The following ITIH5 variants were observed in gnomAD, a reference collection of about 807,000 sequenced individuals.
The protein encoded by ITIH5 is inter-alpha-trypsin inhibitor heavy chain H5.
A neutral mutation model predicts 77.5 loss-of-function variants in ITIH5; 65 were observed. The observed-to-expected ratio is 0.84, with a 90% CI of 0.69 to 1.03. The LOEUF (loss-of-function observed/expected upper bound fraction) is 1.03, where lower values mean the gene tolerates loss of function less well. ITIH5 is among the 50% of genes least tolerant of loss of function. ITIH5 has a pLI of 0.00. For missense variants in ITIH5, 1,208 were observed against 1,213.1 expected (o/e 1.00, Z 0.06); for synonymous variants, 525 against 494.3 (o/e 1.06, Z -0.82).
At chr10:7,631,782 T>C (rs1484636379) in intron 5 of ITIH5, among the ~76,000 whole-genome samples, 1 of 151,808 alleles carries the variant, frequency 6.6e-6, no homozygotes, top group Non-Finnish European at 1.5e-5. Flanking sequence ...AGAAACAACT[T>C]TGTTTAATTT....
chr10:7,581,912 T>G (rs1195499751), intron 8 of ITIH5, among the ~76,000 whole-genome samples: 3 of 147,894 alleles, frequency 2.0e-5, no homozygotes, highest in South Asian at 2.2e-4. Flanking sequence ...GTCATGCTCT[T>G]TCGCCCAAGG....
At chr10:7,564,608 C>T (rs544381044) in intron 13 of ITIH5, among the ~76,000 whole-genome samples, 5 of 152,024 alleles carry the variant, frequency 3.3e-5, no homozygotes, top group East Asian at 1.9e-4. Context: ...GGGTAGTATG[C>T]GACACTATCT....
chr10:7,583,909 C>T (rs1227905654), intron 8 of ITIH5, among the ~76,000 whole-genome samples: 1 of 152,180 alleles, frequency 6.6e-6, no homozygotes, highest in Admixed American at 6.5e-5. Flanking sequence ...AAAGGACTCA[C>T]AAGCACCAGC....
intron 1 of ITIH5, among the ~76,000 whole-genome samples, chr10:7,655,936 T>C (rs1379543246): frequency 7.9e-5 from 12 of 152,242 alleles, no homozygotes; most frequent in African/African-American, 2.7e-4. Flanking sequence ...TGAGCATTCT[T>C]CTATCTGTAA....
In ITIH5 at chr10:7,559,397, T is replaced by C. The variant is rs1323562076; in HGVS notation, c.*3686A>G. The C allele has an allele frequency of 6.6e-6, 1 of 152,388 alleles. No homozygotes were observed. Among genetic ancestry groups the C allele is most frequent in the Non-Finnish European group, 1.5e-5 (1 of 68,170 alleles). 9.4% of individuals were successfully genotyped at this position (152,388 alleles called of 1,614,324 possible). A position where few individuals can be genotyped will look rare whatever the true frequency, so the allele number is the denominator to read the frequency against. ...TTATAAATTTTTTGTCTAAGTAAAA[T>C]GTCTCTTGAATGTGAACTGTCTCGT... On this transcript the variant is annotated 3_prime_UTR_variant, in exon 14 of 14. Transcript: ENST00000397146.
chr10:7,610,889 G>A (rs961288882), intron 7 of ITIH5, among the ~76,000 whole-genome samples: 1 of 152,234 alleles, frequency 6.6e-6, no homozygotes, highest in Non-Finnish European at 1.5e-5. Context: ...GACTTTCAGT[G>A]GCTAGCAAGG....
chr10:7,566,844 GGAAGAAGAAGAA>G (rs576015885), intron 12 of ITIH5, among the ~76,000 whole-genome samples: 922 of 17,686 alleles, frequency 0.052, 47 homozygotes, highest in East Asian at 0.064. Context: ...AAGAGGAAGA[GGAAGAAGAAGAA>G]GAAGAAGAAG....
At chr10:7,636,390 A>G (rs1833798560) in intron 5 of ITIH5, among the ~76,000 whole-genome samples, 1 of 152,196 alleles carries the variant, frequency 6.6e-6, no homozygotes, top group African/African-American at 2.4e-5. Flanking sequence ...GAATGTTAAA[A>G]AACAGATTTT....
chr10:7,599,646 A>G (rs1298344702), intron 7 of ITIH5, among the ~76,000 whole-genome samples: 3 of 151,962 alleles, frequency 2.0e-5, no homozygotes, highest in African/African-American at 7.3e-5. Context: ...TCCATCCTAC[A>G]CCTCTCATTA....
At chr10:7,665,455 C>T (rs925165941) in intron 1 of ITIH5, among the ~76,000 whole-genome samples, 6 of 152,188 alleles carry the variant, frequency 3.9e-5, no homozygotes, top group African/African-American at 1.4e-4. Context: ...CCTCACAACC[C>T]TATCATTTCT....
At chr10:7,650,450 A>T (rs1834079382) in intron 2 of ITIH5, among the ~76,000 whole-genome samples, 1 of 152,174 alleles carries the variant, frequency 6.6e-6, no homozygotes, top group East Asian at 1.9e-4. Flanking sequence ...GAAAAACAAT[A>T]CAGGGCCGGG....
rs181929187 is a variant in ITIH5, at chr10:7,559,630, T to C, written c.*3453A>G. The C allele has an allele frequency of 2.2e-3, 645 of 287,954 alleles. 1 individual carries two copies. The highest frequency in any genetic ancestry group is 6.2e-3 in the Middle Eastern group (5 of 806). The allele number at this position is 287,954 out of a possible 1,614,324, so 17.8% of individuals were successfully genotyped here. Reference sequence around the variant, plus strand: ...TAACGTTTTGAATGATTTGGTGTCTTAGTCAGCTTGGGCTGCCTTAACAAG... The same window carrying C: ...TAACGTTTTGAATGATTTGGTGTCTCAGTCAGCTTGGGCTGCCTTAACAAG... On this transcript the variant is annotated 3_prime_UTR_variant, in exon 14 of 14. Coordinates refer to ENST00000397146, the MANE Select transcript of ITIH5 (RefSeq NM_030569.7).
At position 7,563,163 on chromosome 10, in the gene ITIH5, C is replaced by G. The variant is rs755560452; in HGVS notation, c.2749G>C (p.Gly917Arg). ...ARNNAAKLID[G>R]EYKDYLASHP... ...GATGCCAGGTAATCCTTGTACTCCCCGTCAATCAGTTTGGCGGCATTGTTC... is the reference window on the plus strand; with the variant it reads ...GATGCCAGGTAATCCTTGTACTCCCGGTCAATCAGTTTGGCGGCATTGTTC... The change falls in exon 14 of 14, where the codon GGG (glycine) becomes CGG (arginine). Residue 917 changes from glycine (G) to arginine (R), a missense_variant. Coordinates refer to ENST00000397146, the MANE Select transcript of ITIH5 (RefSeq NM_030569.7). The G allele has an allele frequency of 6.2e-7, 1 of 1,614,116 alleles. No homozygotes were observed. The highest frequency in any genetic ancestry group is 8.5e-7 in the Non-Finnish European group (1 of 1,179,940).
rs1003979860 is a variant in ITIH5, at chr10:7,629,431, G to A, written c.652+7797C>T. 6.7e-5 allele frequency among the ~76,000 whole-genome samples: 10 copies of A among 149,414 alleles called. 1 individual carries two copies. Among genetic ancestry groups the A allele is most frequent in the East Asian group, 2.0e-4 (1 of 5,066 alleles). ...TGTGTCCATGTTGTAGCGTGTGTCC[G>A]TGTTGTGGCATGCATCCATGTTATC... On this transcript the variant is annotated intron_variant, in intron 5 of 13. Transcript: ENST00000397146.
intron 1 of ITIH5, among the ~76,000 whole-genome samples, chr10:7,666,353 C>CG (rs1834360971): frequency 6.6e-6 from 1 of 151,980 alleles, no homozygotes; most frequent in Admixed American, 6.6e-5. Flanking sequence ...CGTGTTCTCC[C>CG]GGTTTTCAGG....
At chr10:7,630,054 A>T (rs1464206028) in intron 5 of ITIH5, among the ~76,000 whole-genome samples, 2 of 152,200 alleles carry the variant, frequency 1.3e-5, no homozygotes, top group Non-Finnish European at 2.9e-5. Context: ...TAATTTAAAA[A>T]TTTTAGTTAT....
chr10:7,617,892 A>C (rs1378882169), intron 5 of ITIH5: 1 of 152,146 alleles, frequency 6.6e-6, no homozygotes, highest in Non-Finnish European at 1.5e-5. Flanking sequence ...TGCTTCTTTT[A>C]ATCTCCAGTG....
At position 7,637,289 on chromosome 10, in the gene ITIH5, G is replaced by A. The variant is rs369114884; in HGVS notation, c.591C>T (p.Ile197=). 1.2e-6 allele frequency: 2 copies of A among 1,612,566 alleles called. No homozygotes were observed. The highest frequency in any genetic ancestry group is 1.7e-5 in the Admixed American group (1 of 59,998). ...VDVNILESAG[I]ASLEVLPLHN... ...GAAGCGGCAGCACCTCCAGGGATGC[G>A]ATGCCCGCGCTCTCCAGGATATTCA... Residue 197 remains isoleucine (I), a synonymous_variant, in exon 5 of 14, where the codon ATC becomes ATT. Transcript: ENST00000397146.
Position 7,569,593 on chromosome 10 carries a change from C to T in ITIH5, c.2149+75G>A, listed in dbSNP as rs186932392. 4.1e-4 allele frequency: 373 copies of T among 905,122 alleles called. 5 individuals carry two copies. In the East Asian group the frequency reaches 8.4e-3, roughly 20 times the overall value. 56.1% of individuals were successfully genotyped at this position (905,122 alleles called of 1,614,324 possible). Reference sequence around the variant, plus strand: ...AGGTGGCCCTTGGATCACTGGACATCCATCTGAAGAACAGAGGGGGATGCA... The same window carrying T: ...AGGTGGCCCTTGGATCACTGGACATTCATCTGAAGAACAGAGGGGGATGCA... On this transcript the variant is annotated intron_variant, in intron 12 of 13. Coordinates refer to ENST00000397146, the MANE Select transcript of ITIH5 (RefSeq NM_030569.7).
Sources: allele counts gnomAD v4.1 joint callset (sites outside exome capture counted in the v4.1 genomes callset), GRCh38; gene constraint gnomAD v4.1.1; transcripts MANE v1.5; gene names NCBI Gene and HGNC (gene_info 2026-07-23, HGNC 2026-07-21).